Variants in RNGTT observed in about 807,000 individuals in gnomAD.
The protein encoded by RNGTT is mRNA-capping enzyme.
Under a neutral mutation model 79.3 loss-of-function variants are expected in RNGTT, and 33 were observed. That is an observed-to-expected ratio of 0.42 (90% CI 0.32 to 0.56). The LOEUF (loss-of-function observed/expected upper bound fraction) is 0.56. Among genes scored for constraint, RNGTT ranks in the 20% least tolerant of loss-of-function variants. RNGTT has a pLI of 0.17. For synonymous variants in RNGTT, 222 were observed against 235.9 expected (o/e 0.94, Z 0.54); for missense variants, 497 against 739.1 (o/e 0.67, Z 3.80).
chr6:88,619,802 C>A (rs1213087156), intron 14 of RNGTT, among the ~76,000 whole-genome samples: 1 of 152,026 alleles, frequency 6.6e-6, no homozygotes, highest in Non-Finnish European at 1.5e-5. Context: ...ATCTTGTTTT[C>A]ACGTAAATAA....
intron 12 of RNGTT, among the ~76,000 whole-genome samples, chr6:88,790,876 G>T (rs1418489188): frequency 6.6e-6 from 1 of 152,172 alleles, no homozygotes; most frequent in Non-Finnish European, 1.5e-5. Flanking sequence ...TTAATAGGAA[G>T]TCTAAGAAAG....
At chr6:88,635,035 T>C (rs995489898) in intron 14 of RNGTT, among the ~76,000 whole-genome samples, 7 of 152,130 alleles carry the variant, frequency 4.6e-5, no homozygotes, top group African/African-American at 1.4e-4. Flanking sequence ...GGATGGAGAA[T>C]TGAGGTTACA....
intron 6 of RNGTT, among the ~76,000 whole-genome samples, chr6:88,893,093 C>G (rs551270768): frequency 6.6e-6 from 1 of 152,086 alleles, no homozygotes; most frequent in Admixed American, 6.5e-5. Context: ...TGTTTAAAAC[C>G]ATTTTTATCA....
chr6:88,901,490 CT>C (rs1259877107), intron 6 of RNGTT, among the ~76,000 whole-genome samples: 1 of 126,368 alleles, frequency 7.9e-6, no homozygotes, highest in Non-Finnish European at 1.7e-5. Context: ...GTCAAGCACC[CT>C]GATCTTTTTT....
intron 4 of RNGTT, among the ~76,000 whole-genome samples, chr6:88,916,730 T>G (rs1209374279): frequency 1.3e-5 from 2 of 152,202 alleles, no homozygotes; most frequent in African/African-American, 2.4e-5. Flanking sequence ...TAATCTCATT[T>G]GTATATTATG....
chr6:88,899,279 T>C (rs1401416785), intron 6 of RNGTT, among the ~76,000 whole-genome samples: 3 of 151,924 alleles, frequency 2.0e-5, no homozygotes, highest in Non-Finnish European at 2.9e-5. Context: ...CTTTTTTTTT[T>C]TGAGACAGCC....
At chr6:88,692,922 C>T (rs1775534487) in intron 13 of RNGTT, among the ~76,000 whole-genome samples, 1 of 151,564 alleles carries the variant, frequency 6.6e-6, no homozygotes, top group Admixed American at 6.6e-5. Context: ...ATAAAAAGGG[C>T]AATCAAAAAA....
chr6:88,669,654 G>A (rs1194182331), intron 14 of RNGTT, among the ~76,000 whole-genome samples: 2 of 152,188 alleles, frequency 1.3e-5, no homozygotes, highest in African/African-American at 2.4e-5. Flanking sequence ...GGACTGGACG[G>A]CTCCAGCTAG....
chr6:88,668,907 T>G (rs1247480564), intron 14 of RNGTT, among the ~76,000 whole-genome samples: 1 of 152,206 alleles, frequency 6.6e-6, no homozygotes, highest in Non-Finnish European at 1.5e-5. Flanking sequence ...AGTACATTTG[T>G]CATGAATTAG....
chr6:88,846,637 G>A (rs1781492825), intron 10 of RNGTT, among the ~76,000 whole-genome samples: 1 of 152,068 alleles, frequency 6.6e-6, no homozygotes, highest in Non-Finnish European at 1.5e-5. Flanking sequence ...GCACACGCCT[G>A]TGGTCCCAGC....
At chr6:88,929,915 T>A in intron 2 of RNGTT, among the ~76,000 whole-genome samples, 1 of 146,866 alleles carries the variant, frequency 6.8e-6, no homozygotes, top group African/African-American at 2.6e-5. Flanking sequence ...TATGCATATA[T>A]ACACGTATAT....
chr6:88,760,779 T>C (rs1778190526), intron 13 of RNGTT, among the ~76,000 whole-genome samples: 1 of 152,044 alleles, frequency 6.6e-6, no homozygotes, highest in African/African-American at 2.4e-5. Flanking sequence ...CTTCCTTATA[T>C]AAGAACAGTT....
At chr6:88,738,080 G>A (rs1777344257) in intron 13 of RNGTT, among the ~76,000 whole-genome samples, 1 of 152,050 alleles carries the variant, frequency 6.6e-6, no homozygotes, top group Non-Finnish European at 1.5e-5. Flanking sequence ...GGTGGTCAAG[G>A]TCAACATCAA....
chr6:88,641,212 G>A (rs1045566240), intron 14 of RNGTT, among the ~76,000 whole-genome samples: 6 of 151,894 alleles, frequency 4.0e-5, no homozygotes, highest in South Asian at 2.1e-4. Context: ...GGTGGCGGGC[G>A]CCTGTAATCC....
At chr6:88,678,544 G>A (rs2127789798) in intron 13 of RNGTT, 125 bp from the exon 14 acceptor site, 2 of 431,442 alleles carry the variant, frequency 4.6e-6, no homozygotes, top group South Asian at 2.2e-4. Flanking sequence ...TGGATGCTGT[G>A]AGAAAAGTAA....
chr6:88,647,406 G>A (rs547600554), intron 14 of RNGTT, among the ~76,000 whole-genome samples: 1 of 152,214 alleles, frequency 6.6e-6, no homozygotes, highest in Non-Finnish European at 1.5e-5. Context: ...GCAATGATCT[G>A]ATTTCTCTTT....
chr6:88,734,600 T>C (rs1777223506), intron 13 of RNGTT, among the ~76,000 whole-genome samples: 1 of 152,098 alleles, frequency 6.6e-6, no homozygotes, highest in Admixed American at 6.6e-5. Flanking sequence ...GACATAAAGA[T>C]GCAGGTAAGT....
intron 13 of RNGTT, among the ~76,000 whole-genome samples, chr6:88,687,843 A>G (rs2756350): frequency 0.27 from 40,345 of 152,070 alleles, 9,348 homozygotes; most frequent in African/African-American, 0.63. Flanking sequence ...TGGGGGAATA[A>G]AAATAGGGCA....
chr6:88,858,727 GT>G (rs1264157931), intron 8 of RNGTT, among the ~76,000 whole-genome samples: 1 of 152,180 alleles, frequency 6.6e-6, no homozygotes, highest in Admixed American at 6.5e-5. Context: ...ACAATAGTTT[GT>G]TTGTACACCC....
Sources: allele counts gnomAD v4.1 joint callset (sites outside exome capture counted in the v4.1 genomes callset), GRCh38; gene constraint gnomAD v4.1.1; transcripts MANE v1.5; gene names NCBI Gene and HGNC (gene_info 2026-07-23, HGNC 2026-07-21).